Variants in LUZP2 observed in about 807,000 individuals in gnomAD.
LUZP2 encodes leucine zipper protein 2.
A neutral mutation model predicts 51.6 loss-of-function variants in LUZP2; 52 were observed. The ratio of observed to expected loss-of-function variants is 1.01; its 90% CI spans 0.81 to 1.27. The LOEUF (loss-of-function observed/expected upper bound fraction) is 1.27, where lower values mean the gene tolerates loss of function less well. Among genes scored for constraint, LUZP2 ranks in the 50% most tolerant of loss-of-function variants. LUZP2 has a pLI of 0.00. For synonymous variants in LUZP2, 154 were observed against 137.3 expected (o/e 1.12, Z -0.85); for missense variants, 436 against 395.4 (o/e 1.10, Z -0.87).
At chr11:24,607,821 T>G (rs1056278675) in intron 1 of LUZP2, among the ~76,000 whole-genome samples, 1 of 129,464 alleles carries the variant, frequency 7.7e-6, no homozygotes, top group Non-Finnish European at 1.6e-5. Flanking sequence ...TACATCTATC[T>G]CTATTTTATT....
chr11:24,590,784 T>TC (rs1268804407), intron 1 of LUZP2, among the ~76,000 whole-genome samples: 4 of 152,176 alleles, frequency 2.6e-5, no homozygotes, highest in Admixed American at 2.6e-4. Context: ...GTGTTTTTTT[T>TC]CCCCCATGAA....
chr11:24,928,764 C>T (rs1854354037), intron 7 of LUZP2, among the ~76,000 whole-genome samples: 1 of 151,986 alleles, frequency 6.6e-6, no homozygotes. Context: ...AGTGGATTTC[C>T]TCTTTCTTAA....
At chr11:24,708,701 A>G (rs1179275009) in intron 1 of LUZP2, among the ~76,000 whole-genome samples, 1 of 152,124 alleles carries the variant, frequency 6.6e-6, no homozygotes, top group African/African-American at 2.4e-5. Context: ...CCAAAGTATG[A>G]TTCAAGAATT....
At chr11:24,916,390 G>A (rs1314410927) in intron 7 of LUZP2, among the ~76,000 whole-genome samples, 1 of 151,840 alleles carries the variant, frequency 6.6e-6, no homozygotes, top group East Asian at 1.9e-4. Flanking sequence ...CAATGTGCAA[G>A]TTTGTTACTA....
At chr11:24,722,925 A>AG (rs1397183865) in intron 1 of LUZP2, among the ~76,000 whole-genome samples, 3 of 151,802 alleles carry the variant, frequency 2.0e-5, no homozygotes, top group East Asian at 1.9e-4. Context: ...TTAAAAAAAA[A>AG]AGAGAGAGAG....
chr11:24,783,628 C>A (rs1227385997), intron 5 of LUZP2, among the ~76,000 whole-genome samples: 2 of 152,026 alleles, frequency 1.3e-5, no homozygotes, highest in South Asian at 4.2e-4. Context: ...CAACCTTCAA[C>A]TTCTGTGGAG....
intron 5 of LUZP2, among the ~76,000 whole-genome samples, chr11:24,879,720 T>A (rs1031829497): frequency 6.6e-6 from 1 of 152,206 alleles, no homozygotes; most frequent in South Asian, 2.1e-4. Context: ...TATGTTTTCT[T>A]TTGAGAAGTG....
At chr11:24,764,490 T>TAAAAAAAAAAAAAAAA (rs869045272) in intron 5 of LUZP2, among the ~76,000 whole-genome samples, 3 of 94,034 alleles carry the variant, frequency 3.2e-5, no homozygotes, top group Non-Finnish European at 6.4e-5. Flanking sequence ...ATCTCATCTC[T>TAAAAAAAAAAAAAAAA]AAAAAAAAAA....
At chr11:24,923,354 C>A (rs182766389) in intron 7 of LUZP2, among the ~76,000 whole-genome samples, 12 of 152,198 alleles carry the variant, frequency 7.9e-5, no homozygotes, top group African/African-American at 2.9e-4. Context: ...AACTTGAAAA[C>A]TGAGTCTCTC....
intron 9 of LUZP2, among the ~76,000 whole-genome samples, chr11:25,008,296 G>A (rs1297316844): frequency 1.3e-5 from 2 of 152,202 alleles, no homozygotes; most frequent in Non-Finnish European, 2.9e-5. Context: ...GAAAAGTGGT[G>A]GAACCCCAAA....
At chr11:24,661,635 T>C (rs1856024977) in intron 1 of LUZP2, among the ~76,000 whole-genome samples, 1 of 152,208 alleles carries the variant, frequency 6.6e-6, no homozygotes, top group Non-Finnish European at 1.5e-5. Context: ...TTTCTTTGTA[T>C]TGAAATCCAA....
intron 3 of LUZP2, among the ~76,000 whole-genome samples, chr11:24,732,418 T>G (rs1228965974): frequency 1.3e-5 from 2 of 151,802 alleles, no homozygotes; most frequent in Non-Finnish European, 2.9e-5. Flanking sequence ...GTGGTGCTGA[T>G]GCTTTTTGTC....
chr11:24,684,048 C>T (rs1257898830), intron 1 of LUZP2, among the ~76,000 whole-genome samples: 2 of 151,882 alleles, frequency 1.3e-5, no homozygotes, highest in East Asian at 3.9e-4. Context: ...TGTATAATAC[C>T]TCTCCTTTGT....
chr11:24,681,307 G>C (rs1316895816), intron 1 of LUZP2, among the ~76,000 whole-genome samples: 3 of 152,096 alleles, frequency 2.0e-5, no homozygotes, highest in Non-Finnish European at 4.4e-5. Context: ...CTAAGACCAT[G>C]TTTCTAACGT....
intron 5 of LUZP2, among the ~76,000 whole-genome samples, chr11:24,896,304 A>T (rs1853048279): frequency 6.6e-6 from 1 of 151,924 alleles, no homozygotes; most frequent in South Asian, 2.1e-4. Context: ...GCGCCGCCAG[A>T]ACCGGGGCTG....
intron 1 of LUZP2, among the ~76,000 whole-genome samples, chr11:24,589,185 A>G (rs1236130741): frequency 6.6e-6 from 1 of 152,042 alleles, no homozygotes; most frequent in Admixed American, 6.6e-5. Flanking sequence ...TAGATCTCTA[A>G]TTGATCACCA....
In LUZP2 at chr11:24,906,045, G is replaced by T. The variant is rs771650801; in HGVS notation, c.451G>T (p.Ala151Ser). The change falls in exon 6 of 12, where the codon GCA (alanine) becomes TCA (serine). Residue 151 changes from alanine to serine, a missense_variant. By Grantham distance (99) the Ala-to-Ser change is moderately conservative. Coordinates refer to ENST00000336930, the MANE Select transcript of LUZP2 (RefSeq NM_001009909.4). ...AGGAAACAAGCTCTGTGGCATTCAC[G>T]CAGAAGAGGTGAGTAAATTTTTGCT... ...LSGNKLCGIH[A>S]EESKKIQAQL... 5.0e-6 allele frequency: 8 copies of T among 1,611,616 alleles called. No individual in the cohort carries two copies. The highest frequency in any genetic ancestry group is 1.7e-5 in the Admixed American group (1 of 59,932).
chr11:24,627,580 T>C (rs1854726569), intron 1 of LUZP2, among the ~76,000 whole-genome samples: 1 of 152,136 alleles, frequency 6.6e-6, no homozygotes. Context: ...CTTTACCGAG[T>C]AGAGGCAGAA....
intron 1 of LUZP2, among the ~76,000 whole-genome samples, chr11:24,602,169 T>C (rs1355263051): frequency 1.1e-5 from 1 of 89,750 alleles, no homozygotes; most frequent in African/African-American, 4.2e-5. Context: ...TATATATGTG[T>C]ATATATATGT....
Sources: allele counts gnomAD v4.1 joint callset (sites outside exome capture counted in the v4.1 genomes callset), GRCh38; gene constraint gnomAD v4.1.1; transcripts MANE v1.5; gene names NCBI Gene and HGNC (gene_info 2026-07-23, HGNC 2026-07-21).